Variants in RPL27 observed in about 807,000 individuals in gnomAD.
RPL27 encodes the protein ribosomal protein L27.
For missense variants in RPL27, 131 were observed against 174.3 expected, an observed-to-expected ratio of 0.75 and a Z score of 1.40; for synonymous variants, 77 against 61.0, an observed-to-expected ratio of 1.26 and a Z score of -1.22.
Position 42,999,969 on chromosome 17 carries a change from C to A in RPL27, c.118C>A (p.His40Asn). The part of the protein sequence containing the change: ...DDGTSDRPYS[H>N]ALVAGIDRYP... ...TGGCACCTCAGATCGCCCCTACAGCCATGCTCTGGTGGCTGGAATTGACCG... is the reference window on the plus strand; with the variant it reads ...TGGCACCTCAGATCGCCCCTACAGCAATGCTCTGGTGGCTGGAATTGACCG... Residue 40 changes from histidine (H) to asparagine (N), a missense_variant, in exon 3 of 5, where the codon CAT becomes AAT. His to Asn is a moderately conservative substitution (Grantham distance 68). Transcript: ENST00000253788. 6.2e-7 allele frequency: 1 copy of A among 1,612,234 alleles called. No individual in the cohort carries two copies. The highest frequency in any genetic ancestry group is 8.5e-7 in the Non-Finnish European group (1 of 1,179,944).
At chr17:43,001,630 AAATAAT>A (rs996134778) in intron 3 of RPL27, among the ~76,000 whole-genome samples, 1 of 150,582 alleles carries the variant, frequency 6.6e-6, no homozygotes, top group Admixed American at 6.6e-5. Context: ...CAAAAAATAA[AAATAAT>A]AATAAAAGGG....
At chr17:43,000,447 G>A (rs2050347493) in intron 3 of RPL27, among the ~76,000 whole-genome samples, 1 of 151,484 alleles carries the variant, frequency 6.6e-6, no homozygotes, top group African/African-American at 2.4e-5. Context: ...TTTAGTCTGG[G>A]GACATACACT....
chr17:42,999,868 C>T, intron 2 of RPL27, 65 bp from the exon 3 acceptor site: 1 of 1,373,418 alleles, frequency 7.3e-7, no homozygotes, highest in Non-Finnish European at 1.0e-6. Flanking sequence ...GGACACTGCA[C>T]TACCTCTAAC....
chr17:42,998,561 C>T lies in RPL27; in HGVS notation c.-3+90C>T. 6.0e-6 allele frequency: 3 copies of T among 497,436 alleles called. No homozygotes were observed. In the South Asian group the frequency reaches 7.1e-5, roughly 12 times the overall value. The allele number at this position is 497,436 out of a possible 1,614,324, so 30.8% of individuals were successfully genotyped here. A position where few individuals can be genotyped will look rare whatever the true frequency, so the allele number is the denominator to read the frequency against. On this transcript the variant is annotated intron_variant, in intron 1 of 4. Coordinates refer to ENST00000253788, the MANE Select transcript of RPL27 (RefSeq NM_000988.5). ...CGGGCGGCGCCGGGTGCATTCCTTC[C>T]CTAGGTCTCTGGCGGCTACGTATCC...
chr17:43,001,952 A>T (rs766392195), intron 3 of RPL27, among the ~76,000 whole-genome samples: 1 of 150,152 alleles, frequency 6.7e-6, no homozygotes, highest in Non-Finnish European at 1.5e-5. Flanking sequence ...TTAGCCAGGC[A>T]TGGTGGCAGG....
At chr17:42,999,163 C>G in intron 2 of RPL27, 1 of 203,852 alleles carries the variant, frequency 4.9e-6, no homozygotes, top group South Asian at 7.3e-5. Flanking sequence ...CTTTTCTTTT[C>G]TTTTCTTTTT....
chr17:43,002,233 C>T (rs775996), intron 3 of RPL27, among the ~76,000 whole-genome samples: 29,807 of 151,638 alleles, frequency 0.2, 3,198 homozygotes, highest in South Asian at 0.26. Flanking sequence ...AGGCCGGATG[C>T]GGTGACTCAC....
intron 2 of RPL27, 29 bp downstream of exon 2, chr17:42,998,860 T>C: frequency 1.3e-6 from 2 of 1,592,822 alleles, no homozygotes; most frequent in Non-Finnish European, 8.6e-7. Flanking sequence ...TCTGCGTCCT[T>C]GCATGCCGGG....
At chr17:43,002,850 G>A in intron 4 of RPL27, 22 bp from the exon 5 acceptor site, 2 of 1,612,786 alleles carry the variant, frequency 1.2e-6, no homozygotes, top group Non-Finnish European at 1.7e-6. Context: ...CCTCATTGGT[G>A]TCCTCTTTTT....
chr17:42,998,664 G>A, intron 1 of RPL27, 85 bp from the exon 2 acceptor site: 2 of 1,067,388 alleles, frequency 1.9e-6, no homozygotes, highest in Non-Finnish European at 2.9e-6. Context: ...TCCGGCCCAA[G>A]ACCTGGGCTT....
At chr17:43,002,304 G>C (rs2050371655) in intron 3 of RPL27, among the ~76,000 whole-genome samples, 1 of 151,532 alleles carries the variant, frequency 6.6e-6, no homozygotes, top group African/African-American at 2.4e-5. Flanking sequence ...AGGAGATCAA[G>C]ACCGTCCTGG....
rs765351338 is a variant in RPL27, at chr17:43,002,704, G to A, written c.283G>A (p.Val95Ile). ...TGTGGATATCCCCTTGGACAAAACT[G>A]TCGTCAATAAGGATGTCTTCAGAGA... ...YSVDIPLDKT[V>I]VNKDVFRDPA... The change falls in exon 4 of 5, where the codon GTC (valine) becomes ATC (isoleucine). Residue 95 changes from valine (V) to isoleucine (I), a missense_variant. Physicochemically the swap from Val to Ile is conservative, Grantham distance 29. Coordinates refer to ENST00000253788, the MANE Select transcript of RPL27 (RefSeq NM_000988.5). 4 of 1,613,664 alleles carry A rather than the reference G, an allele frequency of 2.5e-6. No individual in the cohort carries two copies. Among genetic ancestry groups the A allele is most frequent in the Non-Finnish European group, 3.4e-6 (4 of 1,179,638 alleles).
chr17:43,002,331 C>A (rs1420503608), intron 3 of RPL27, among the ~76,000 whole-genome samples: 3 of 151,556 alleles, frequency 2.0e-5, no homozygotes, highest in South Asian at 2.1e-4. Context: ...CTGTGAAACC[C>A]CGTCTCTACT....
intron 2 of RPL27, 131 bp from the exon 3 acceptor site, chr17:42,999,802 T>C (rs559625293): frequency 1.5e-6 from 1 of 664,714 alleles, no homozygotes; most frequent in South Asian, 2.0e-5. Context: ...TAGCTTTCTG[T>C]GATTTTTCTC....
Position 42,998,449 on chromosome 17 carries a change from G to A in RPL27, c.-25G>A, listed in dbSNP as rs2050322263. The A allele has an allele frequency of 3.1e-5, 4 of 129,936 alleles. No homozygotes were observed. The highest frequency in any genetic ancestry group is 8.9e-5 in the South Asian group (2 of 22,444). 8.0% of individuals were successfully genotyped at this position (129,936 alleles called of 1,614,324 possible). On this transcript the variant is annotated 5_prime_UTR_variant, in exon 1 of 5. Transcript: ENST00000253788. ...AAGTGTCCTTCTTTCCTTTTTGCTG[G>A]TAGGGCCGGGTGGTTGCTGCCGGTA...
In RPL27 at chr17:42,998,429, T is replaced by A; in HGVS notation, c.-45T>A. 1 of 188,980 alleles carries A rather than the reference T, an allele frequency of 5.3e-6. No individual in the cohort carries two copies. The allele number at this position is 188,980 out of a possible 1,614,324, so 11.7% of individuals were successfully genotyped here. On this transcript the variant is annotated 5_prime_UTR_variant, in exon 1 of 5. Transcript: ENST00000253788. Reference sequence around the variant, plus strand: ...CCGGGGTGAAAGGTTAGCGGAAGTGTCCTTCTTTCCTTTTTGCTGGTAGGG... The same window carrying A: ...CCGGGGTGAAAGGTTAGCGGAAGTGACCTTCTTTCCTTTTTGCTGGTAGGG...
At chr17:43,000,195 A>T in intron 3 of RPL27, 93 bp downstream of exon 3, 3 of 961,608 alleles carry the variant, frequency 3.1e-6, no homozygotes, top group Non-Finnish European at 4.8e-6. Flanking sequence ...CCAGGAAGGG[A>T]TATCATTTCC....
intron 3 of RPL27, among the ~76,000 whole-genome samples, chr17:43,000,397 G>A (rs996993458): frequency 6.6e-6 from 1 of 152,044 alleles, no homozygotes; most frequent in Non-Finnish European, 1.5e-5. Context: ...GTGCGTGAAA[G>A]CAAGTCTTCC....
intron 3 of RPL27, among the ~76,000 whole-genome samples, chr17:43,002,308 G>A (rs8075217): frequency 0.094 from 14,124 of 150,610 alleles, 804 homozygotes; most frequent in African/African-American, 0.14. Context: ...GATCAAGACC[G>A]TCCTGGCTAA....
Sources: gnomAD v4.1 joint callset for allele counts (sites outside exome capture counted in the v4.1 genomes callset) on GRCh38, gnomAD v4.1.1 for gene constraint, MANE v1.5 for transcripts, NCBI Gene and HGNC (gene_info 2026-07-23, HGNC 2026-07-21) for gene names.